TULP3: variants seen among roughly 807,000 people sequenced by gnomAD.
TULP3 encodes TUB like protein 3, also known as tubby-related protein 3.
Under a neutral mutation model 50.7 loss-of-function variants are expected in TULP3, and 38 were observed. The ratio of observed to expected loss-of-function variants is 0.75; its 90% CI spans 0.58 to 0.98. TULP3 has a LOEUF of 0.98. Among genes scored for constraint, TULP3 ranks in the 50% least tolerant of loss-of-function variants. The probability of loss-of-function intolerance (pLI) is 0.00; values close to 1 mark genes in which losing one functional copy is unlikely to be tolerated. For missense variants in TULP3, 550 were observed against 568.0 expected (o/e 0.97, Z 0.32); for synonymous variants, 183 against 196.6 (o/e 0.93, Z 0.58).
At chr12:2,935,993 G>A (rs570366272) in intron 8 of TULP3, among the ~76,000 whole-genome samples, 21 of 150,476 alleles carry the variant, frequency 1.4e-4, no homozygotes, top group African/African-American at 4.6e-4. Context: ...TCGGCCAGGC[G>A]TGGTGGCTCA....
chr12:2,902,653 T>A (rs1354843593), intron 1 of TULP3, among the ~76,000 whole-genome samples: 1 of 152,168 alleles, frequency 6.6e-6, no homozygotes, highest in Non-Finnish European at 1.5e-5. Flanking sequence ...TTCTTGAGGG[T>A]CATTAGTAAC....
rs748075740 is a variant in TULP3 at position 2,930,281 on chromosome 12, C to A, written c.428C>A (p.Thr143Asn). The change falls in exon 5 of 11, where the codon ACT becomes AAT. Residue 143 changes from threonine (T) to asparagine (N), a missense_variant. Transcript: ENST00000448120. ...ISESVNFDEE[T>N]DGISQSACLE... is the part of the protein sequence containing the mutation. The stretch of plus-strand genomic sequence containing the variant: ...GAAAGTGTGAACTTCGATGAGGAGA[C>A]TGATGGAATATCCCAGTCAGCATGT... The A allele has an allele frequency of 2.5e-6, 4 of 1,612,796 alleles. No individual in the cohort carries two copies. The African/African-American group carries it at 4.0e-5, about 16-fold the overall frequency.
At chr12:2,928,906 C>T (rs1361623467) in intron 4 of TULP3, among the ~76,000 whole-genome samples, 1 of 151,964 alleles carries the variant, frequency 6.6e-6, no homozygotes, top group African/African-American at 2.4e-5. Context: ...GATGGTGCCA[C>T]TGCACTCCAG....
At position 2,939,314 on chromosome 12, in the gene TULP3, AT is replaced by A. The variant is rs1565510497; in HGVS notation, c.1201del (p.Tyr401IlefsTer2). ...NFQIVHKNDP[D>X]YIVMQFGRVA... ...GTTGATTTCTTTCTGTTTCTAGCTG[AT>A]TATATAGTCATGCAGTTTGGACGTG... On this transcript the variant is annotated frameshift_variant, in exon 11 of 11. Coordinates refer to ENST00000448120, the MANE Select transcript of TULP3 (RefSeq NM_003324.5). LOFTEE classifies it high-confidence loss of function. This position sits in a 1 kb window ranked among gnomAD's most constrained non-coding sequence, Gnocchi z 4.0. The A allele has an allele frequency of 6.2e-7, 1 of 1,613,960 alleles. No homozygotes were observed. The highest frequency in any genetic ancestry group is 1.7e-5 in the Admixed American group (1 of 59,948).
At position 2,890,944 on chromosome 12, in the gene TULP3, G is replaced by T. The variant is rs751710571; in HGVS notation, c.-4G>T. On this transcript the variant is annotated 5_prime_UTR_variant, in exon 1 of 11. Transcript: ENST00000448120. ...ACGTGGTGGGGGCTTCCTCGGTGGCGGGCATGGAGGCTTCGCGCTGCCGGC... is the reference window on the plus strand; with the variant it reads ...ACGTGGTGGGGGCTTCCTCGGTGGCTGGCATGGAGGCTTCGCGCTGCCGGC... 3.1e-6 allele frequency: 5 copies of T among 1,596,196 alleles called. No individual in the cohort carries two copies. The highest frequency in any genetic ancestry group is 4.3e-6 in the Non-Finnish European group (5 of 1,171,664).
Position 2,890,958 on chromosome 12 carries a change from C to A in TULP3, c.11C>A (p.Ser4Ter). The A allele has an allele frequency of 6.3e-7, 1 of 1,595,576 alleles. No individual in the cohort carries two copies. The highest frequency in any genetic ancestry group is 8.5e-7 in the Non-Finnish European group (1 of 1,171,458). Residue 4 changes from serine (S) to a stop codon, truncating the protein, a stop_gained, in exon 1 of 11, where the codon TCG becomes TAG. Transcript: ENST00000448120. LOFTEE classifies it high-confidence loss of function. ...TCCTCGGTGGCGGGCATGGAGGCTT[C>A]GCGCTGCCGGCTCAGTCCCAGCGGC... MEA[S>*]RCRLSPSGDS...
rs2098199399 is a variant in TULP3 at position 2,933,512 on chromosome 12, G to C, written c.791G>C (p.Ser264Thr). The C allele has an allele frequency of 6.2e-7, 1 of 1,613,448 alleles. No individual in the cohort carries two copies. The highest frequency in any genetic ancestry group is 1.6e-4 in the Middle Eastern group (1 of 6,062). ...DPVDLSREGE[S>T]YVGKLRSNLM... ...GTTGATTTATCTCGTGAAGGAGAAA[G>C]TTATGTCGGCAAGCTTAGGTGAAAG... The change falls in exon 7 of 11, where the codon AGT becomes ACT. Residue 264 changes from serine (S) to threonine (T), a missense_variant. Transcript: ENST00000448120.
rs879752497 is a variant in TULP3, at chr12:2,937,328, T to C, written c.925-303T>C. On this transcript the variant is annotated intron_variant, in intron 8 of 10. Transcript: ENST00000448120. ...GCCTCCTGGGTTCAAGCAATTCTCCTGCCTCAGCCTCCCGAGTAGCTGGGA... is the reference window on the plus strand; with the variant it reads ...GCCTCCTGGGTTCAAGCAATTCTCCCGCCTCAGCCTCCCGAGTAGCTGGGA... Among the ~76,000 whole-genome samples, 66 of 140,374 alleles carry C rather than the reference T, an allele frequency of 4.7e-4. 2 individuals are homozygous for C. The highest frequency in any genetic ancestry group is 2.0e-4 in the Non-Finnish European group (13 of 65,594). The allele number at this position is 140,374 out of a possible 152,430, so 92.1% of individuals were successfully genotyped here.
chr12:2,907,647 CAA>C (rs772555255), intron 1 of TULP3, among the ~76,000 whole-genome samples: 68,221 of 145,074 alleles, frequency 0.47, 15,859 homozygotes, highest in African/African-American at 0.56. Flanking sequence ...GACTCTGTCT[CAA>C]AAAAAAAAAA....
intron 1 of TULP3, among the ~76,000 whole-genome samples, chr12:2,898,725 G>A (rs2098177033): frequency 6.6e-6 from 1 of 152,094 alleles, no homozygotes; most frequent in African/African-American, 2.4e-5. Context: ...TATGTGCCCA[G>A]GCTGAGTGCA....
Position 2,938,302 on chromosome 12 carries a change from G to T in TULP3, c.1195+17G>T. ...AAAATGACCGTAAGCCTCCAGGAGG[G>T]GTTGGGTGGGAAGAGGAGGACAGAT... is the stretch of plus-strand genomic sequence containing the variant. On this transcript the variant is annotated intron_variant, in intron 10 of 10. Coordinates refer to ENST00000448120, the MANE Select transcript of TULP3 (RefSeq NM_003324.5). The T allele has an allele frequency of 3.1e-6, 5 of 1,611,056 alleles. No homozygotes were observed. Among genetic ancestry groups the T allele is most frequent in the Non-Finnish European group, 4.2e-6 (5 of 1,178,134 alleles).
In TULP3 at chr12:2,934,452, A is replaced by G. The variant is rs746482584; in HGVS notation, c.815A>G (p.Asn272Ser). Residue 272 changes from asparagine to serine, a missense_variant, in exon 8 of 11, where the codon AAC (asparagine) becomes AGC (serine). Physicochemically the swap from Asn to Ser is conservative, Grantham distance 46. Transcript: ENST00000448120. Reference sequence around the variant, plus strand: ...ACTTTTTCTCCTGACTCCAGATCCAACCTCATGGGGACCAAGTTTACAGTT... The same window carrying G: ...ACTTTTTCTCCTGACTCCAGATCCAGCCTCATGGGGACCAAGTTTACAGTT... The part of the protein sequence containing the change: ...GESYVGKLRS[N>S]LMGTKFTVYD... The G allele has an allele frequency of 8.2e-6, 13 of 1,577,604 alleles. No individual in the cohort carries two copies. Among genetic ancestry groups the G allele is most frequent in the South Asian group, 1.2e-5 (1 of 85,348 alleles).
At chr12:2,919,468 C>A (rs903190359) in intron 2 of TULP3, among the ~76,000 whole-genome samples, 1 of 152,150 alleles carries the variant, frequency 6.6e-6, no homozygotes, top group South Asian at 2.1e-4. Context: ...AAACACACTT[C>A]CTTTTTTGAT....
chr12:2,893,519 C>G (rs978252089), intron 1 of TULP3, among the ~76,000 whole-genome samples: 1 of 151,694 alleles, frequency 6.6e-6, no homozygotes, highest in African/African-American at 2.4e-5. Flanking sequence ...GGGGGTTTCT[C>G]CATGTTGGTC....
chr12:2,938,044 C>A, intron 9 of TULP3, 70 bp from the exon 10 acceptor site: 1 of 1,538,476 alleles, frequency 6.5e-7, no homozygotes, highest in Non-Finnish European at 8.9e-7. Flanking sequence ...AGAAAGTATT[C>A]TCCTACTCTA....
intron 2 of TULP3, among the ~76,000 whole-genome samples, chr12:2,912,880 A>G (rs2098186407): frequency 6.6e-6 from 1 of 152,180 alleles, no homozygotes; most frequent in Admixed American, 6.5e-5. Context: ...ATACCTACCC[A>G]AGGAAGGAGA....
chr12:2,915,215 C>G (rs990367923), intron 2 of TULP3, among the ~76,000 whole-genome samples: 9 of 152,094 alleles, frequency 5.9e-5, no homozygotes, highest in Non-Finnish European at 8.8e-5. Flanking sequence ...GTTTCAAACT[C>G]CTGGCCTCAA....
chr12:2,920,923 G>C lies in TULP3; in HGVS notation c.253+1G>C. 1 of 1,614,070 alleles carries C rather than the reference G, an allele frequency of 6.2e-7. No homozygotes were observed. Among genetic ancestry groups the C allele is most frequent in the Non-Finnish European group, 8.5e-7 (1 of 1,179,994 alleles). On this transcript the variant is annotated splice_donor_variant, in intron 3 of 10. Transcript: ENST00000448120. LOFTEE classifies it high-confidence loss of function. ...CCCCACAGCAATGTCATCTTACATGGTGTGTATTTAGGCAGCATCACTTCC... is the reference window on the plus strand; with the variant it reads ...CCCCACAGCAATGTCATCTTACATGCTGTGTATTTAGGCAGCATCACTTCC...
intron 1 of TULP3, among the ~76,000 whole-genome samples, chr12:2,905,589 G>A (rs2153948510): frequency 6.6e-6 from 1 of 152,186 alleles, no homozygotes; most frequent in South Asian, 2.1e-4. Context: ...TGATATATAG[G>A]AGACTTGTAA....
Sources: gnomAD v4.1 joint callset for allele counts (sites outside exome capture counted in the v4.1 genomes callset) on GRCh38, gnomAD v4.1.1 for gene constraint, Gnocchi (gnomAD v3.1) non-coding constraint, MANE v1.5 for transcripts, NCBI Gene and HGNC (gene_info 2026-07-23, HGNC 2026-07-21) for gene names.